Variants in VCF1 observed in about 807,000 individuals in gnomAD.
VCF1 encodes the protein VCP nuclear cofactor family member 1, also known as protein VCF1.
the VCF1 span, among the ~76,000 whole-genome samples, chr17:73,226,580 A>G: frequency 1.3e-5 from 2 of 152,182 alleles, no homozygotes; most frequent in Admixed American, 6.5e-5. Context: ...GCAGCCTTCC[A>G]ATTGCACAGA....
the VCF1 span, among the ~76,000 whole-genome samples, chr17:73,224,877 C>CAGGAT: frequency 6.8e-6 from 1 of 147,774 alleles, no homozygotes; most frequent in African/African-American, 2.6e-5. Flanking sequence ...CAGGACAGGA[C>CAGGAT]AGCACAGCAC....
chr17:73,212,740 T>G, the VCF1 span: 1 of 1,584,074 alleles, frequency 6.3e-7, no homozygotes, highest in Non-Finnish European at 8.6e-7. Context: ...ACAGGTACTG[T>G]CTGAAAATCA....
chr17:73,215,778 T>C, the VCF1 span, among the ~76,000 whole-genome samples: 1 of 152,158 alleles, frequency 6.6e-6, no homozygotes, highest in Non-Finnish European at 1.5e-5. Context: ...ACCATACCCA[T>C]TGGTAACAAC....
the VCF1 span, chr17:73,227,342 C>G: frequency 8.3e-7 from 1 of 1,206,854 alleles, no homozygotes; most frequent in Non-Finnish European, 1.1e-6. Flanking sequence ...CAAACCATAA[C>G]AACATATAAA....
At chr17:73,210,031 C>T in the VCF1 span, among the ~76,000 whole-genome samples, 2 of 152,184 alleles carry the variant, frequency 1.3e-5, no homozygotes, top group African/African-American at 2.4e-5. Context: ...GGTTCAAGCA[C>T]GGGCTGCCTA....
At chr17:73,210,841 C>T in the VCF1 span, among the ~76,000 whole-genome samples, 96 of 149,994 alleles carry the variant, frequency 6.4e-4, 1 homozygote, top group African/African-American at 2.3e-3. Flanking sequence ...CTCAAGCAAT[C>T]CTCCTGCCTT....
At chr17:73,212,661 C>T in the VCF1 span, 1 of 1,585,336 alleles carries the variant, frequency 6.3e-7, no homozygotes, top group Non-Finnish European at 8.6e-7. Flanking sequence ...GGTCACTACA[C>T]TCAATTAGAA....
chr17:73,224,263 C>CAAAA, the VCF1 span, among the ~76,000 whole-genome samples: 4,716 of 102,300 alleles, frequency 0.046, 560 homozygotes, highest in East Asian at 0.14. Context: ...GTCGTCTCTC[C>CAAAA]AAAAAAAAAA....
At chr17:73,215,582 C>T in the VCF1 span, among the ~76,000 whole-genome samples, 1 of 152,150 alleles carries the variant, frequency 6.6e-6, no homozygotes, top group Non-Finnish European at 1.5e-5. Flanking sequence ...CCACTAGGGG[C>T]TTTTTAAAGT....
the VCF1 span, among the ~76,000 whole-genome samples, chr17:73,214,625 AG>A: frequency 6.6e-6 from 1 of 152,212 alleles, no homozygotes; most frequent in Non-Finnish European, 1.5e-5. Context: ...TGTCTCCTAA[AG>A]TAAACATCTT....
the VCF1 span, among the ~76,000 whole-genome samples, chr17:73,228,806 T>G: frequency 3.3e-5 from 5 of 152,304 alleles, no homozygotes; most frequent in Non-Finnish European, 7.4e-5. Flanking sequence ...AGTGGGAGTG[T>G]TCTGCAGAGG....
chr17:73,210,943 T>C, the VCF1 span, among the ~76,000 whole-genome samples: 1 of 152,108 alleles, frequency 6.6e-6, no homozygotes, highest in African/African-American at 2.4e-5. Flanking sequence ...TTCTAATAAA[T>C]GACAACCCTG....
At chr17:73,227,540 CAAG>C in the VCF1 span, 1 of 807,084 alleles carries the variant, frequency 1.2e-6, no homozygotes, top group African/African-American at 1.8e-5. Flanking sequence ...GGGACTGAAA[CAAG>C]AACAGGAAGA....
the VCF1 span, among the ~76,000 whole-genome samples, chr17:73,224,274 A>C: frequency 2.6e-5 from 4 of 151,182 alleles, no homozygotes; most frequent in African/African-American, 7.3e-5. Context: ...AAAAAAAAAA[A>C]AAAAAAAAAA....
At chr17:73,227,109 C>T in the VCF1 span, 2 of 1,215,612 alleles carry the variant, frequency 1.6e-6, no homozygotes, top group Admixed American at 2.4e-5. Flanking sequence ...ACAGCAGATA[C>T]TAGGTTATTT....
the VCF1 span, chr17:73,209,162 G>A: frequency 5.3e-5 from 12 of 227,218 alleles, no homozygotes; most frequent in African/African-American, 9.2e-5. Context: ...TGAAGATCCC[G>A]CATTTTTAAA....
chr17:73,219,376 C>T, the VCF1 span, among the ~76,000 whole-genome samples: 33 of 151,750 alleles, frequency 2.2e-4, no homozygotes, highest in Non-Finnish European at 3.5e-4. Context: ...CTCGGCTGGG[C>T]GCGGTGGCTC....
the VCF1 span, among the ~76,000 whole-genome samples, chr17:73,219,013 C>G: frequency 1.1e-4 from 17 of 151,374 alleles, 1 homozygote; most frequent in East Asian, 3.1e-3. Flanking sequence ...GAGCGAGACT[C>G]CGTCTCAAAA....
chr17:73,225,395 CCTTA>C, the VCF1 span, among the ~76,000 whole-genome samples: 9,091 of 151,896 alleles, frequency 0.06, 468 homozygotes, highest in Admixed American at 0.14. Flanking sequence ...ACAATATCTG[CCTTA>C]CTTAAGAGAT....
Sources: allele counts gnomAD v4.1 joint callset (sites outside exome capture counted in the v4.1 genomes callset), GRCh38; gene constraint gnomAD v4.1.1; transcripts MANE v1.5; gene names NCBI Gene and HGNC (gene_info 2026-07-23, HGNC 2026-07-21).